ZNF600: variants seen among roughly 807,000 people sequenced by gnomAD.
ZNF600 encodes zinc finger protein KR-ZNF1.
A neutral mutation model predicts 7.3 loss-of-function variants in ZNF600; 4 were observed. That is an observed-to-expected ratio of 0.55 (90% CI 0.27 to 1.25). The LOEUF is 1.25. Ranked by LOEUF, ZNF600 falls within the 50% of genes most tolerant of loss-of-function variation. ZNF600 has a pLI of 0.12. For missense variants in ZNF600, 911 were observed against 922.1 expected (o/e 0.99, Z 0.16); for synonymous variants, 290 against 308.9 (o/e 0.94, Z 0.64).
At chr19:52,792,268 G>A in the ZNF600 span, among the ~76,000 whole-genome samples, 77 of 152,306 alleles carry the variant, frequency 5.1e-4, no homozygotes, top group African/African-American at 1.8e-3. Context: ...GTTGGGCTGT[G>A]TGAAAGGAAA....
the ZNF600 span, among the ~76,000 whole-genome samples, chr19:52,818,885 GAAAAAAA>G: frequency 6.1e-5 from 7 of 114,324 alleles, no homozygotes; most frequent in Admixed American, 9.5e-5. Flanking sequence ...GTCTGTTTGG[GAAAAAAA>G]AAAAAAAAAA....
the ZNF600 span, among the ~76,000 whole-genome samples, chr19:52,810,894 TCCCC>T: frequency 7.7e-4 from 3 of 3,888 alleles, no homozygotes; most frequent in Admixed American, 2.5e-3. Flanking sequence ...CCCCTCCCCC[TCCCC>T]CTCCCTCTCC....
At chr19:52,831,434 C>T in the ZNF600 span, among the ~76,000 whole-genome samples, 8 of 152,004 alleles carry the variant, frequency 5.3e-5, no homozygotes, top group Middle Eastern at 3.2e-3. Flanking sequence ...CTCAGCCTCC[C>T]GAGTAGCTGG....
chr19:52,789,591 A>C (rs10404881), upstream of ZNF600, among the ~76,000 whole-genome samples: 68,395 of 151,970 alleles, frequency 0.45, 16,758 homozygotes, highest in Non-Finnish European at 0.57. Context: ...CTATCACAAA[A>C]AAGTACAGAG....
chr19:52,813,733 G>C, the ZNF600 span, among the ~76,000 whole-genome samples: 2 of 145,626 alleles, frequency 1.4e-5, no homozygotes, highest in Non-Finnish European at 3.0e-5. Context: ...TCTGCAGCCA[G>C]AAGATCTCCG....
At chr19:52,827,994 A>C in the ZNF600 span, among the ~76,000 whole-genome samples, 92 of 152,264 alleles carry the variant, frequency 6.0e-4, no homozygotes, top group African/African-American at 2.2e-3. Flanking sequence ...AGGATAATCC[A>C]CAAGGAATAT....
the ZNF600 span, chr19:52,810,022 C>A: frequency 1.3e-6 from 1 of 749,408 alleles, no homozygotes; most frequent in African/African-American, 1.7e-5. Flanking sequence ...GAGCCGGAGC[C>A]CGAAGAGGAG....
At chr19:52,790,065 G>A (rs1036452472), upstream of ZNF600, among the ~76,000 whole-genome samples, 6 of 152,106 alleles carry the variant, frequency 3.9e-5, no homozygotes, top group African/African-American at 9.7e-5. Context: ...GGCAAGGACC[G>A]GCCATTTACA....
At chr19:52,806,098 A>G in the ZNF600 span, 1 of 152,346 alleles carries the variant, frequency 6.6e-6, no homozygotes, top group Admixed American at 6.5e-5. Flanking sequence ...CACTGTACAT[A>G]TATGTTAACA....
chr19:52,830,293 A>T, the ZNF600 span, among the ~76,000 whole-genome samples: 6 of 152,118 alleles, frequency 3.9e-5, no homozygotes, highest in Non-Finnish European at 7.3e-5. Context: ...CAAACAAAAA[A>T]TCTGGAGAAA....
At chr19:52,793,781 C>T in the ZNF600 span, among the ~76,000 whole-genome samples, 1,050 of 72,428 alleles carry the variant, frequency 0.014, 4 homozygotes, top group Non-Finnish European at 0.022. Context: ...CACACACACA[C>T]ACACACACAC....
the ZNF600 span, among the ~76,000 whole-genome samples, chr19:52,825,576 G>A: frequency 6.6e-6 from 1 of 152,046 alleles, no homozygotes; most frequent in Non-Finnish European, 1.5e-5. Flanking sequence ...AGTTGGCTGA[G>A]GCTAGAGAAT....
chr19:52,784,267 T>C (rs1454696658), intron 1 of ZNF600, among the ~76,000 whole-genome samples: 1 of 152,062 alleles, frequency 6.6e-6, no homozygotes, highest in South Asian at 2.1e-4. Flanking sequence ...CTAGCTGGGC[T>C]TGGTGTCTCA....
the ZNF600 span, among the ~76,000 whole-genome samples, chr19:52,793,682 G>A: frequency 6.7e-6 from 1 of 148,784 alleles, no homozygotes; most frequent in East Asian, 2.0e-4. Flanking sequence ...TAGGAGCATC[G>A]CTTGAACCCG....
chr19:52,827,904 G>A, the ZNF600 span, among the ~76,000 whole-genome samples: 307 of 152,160 alleles, frequency 2.0e-3, 3 homozygotes, highest in African/African-American at 7.0e-3. Context: ...GTGAGTGCGA[G>A]CAAACGTGTC....
intron 1 of ZNF600, among the ~76,000 whole-genome samples, chr19:52,785,041 T>C (rs1785928422): frequency 6.6e-6 from 1 of 152,082 alleles, no homozygotes; most frequent in Admixed American, 6.6e-5. Context: ...CCAGCCCCTC[T>C]TTCTTCATTA....
At chr19:52,825,479 G>A in the ZNF600 span, among the ~76,000 whole-genome samples, 2 of 151,610 alleles carry the variant, frequency 1.3e-5, no homozygotes, top group African/African-American at 4.9e-5. Context: ...TCTAAGACCA[G>A]CCTGGCCAAT....
At chr19:52,816,073 G>A in the ZNF600 span, among the ~76,000 whole-genome samples, 1 of 147,592 alleles carries the variant, frequency 6.8e-6, no homozygotes, top group Non-Finnish European at 1.5e-5. Flanking sequence ...ACTGACAATA[G>A]TGGCTCGCCA....
chr19:52,765,860 A>T (rs1384437092), exon 4 of ZNF600: 1 of 1,614,030 alleles, frequency 6.2e-7, no homozygotes, highest in East Asian at 2.2e-5. Flanking sequence ...TCTCCCCAGC[A>T]TGAATTCTAT....
Sources: allele counts gnomAD v4.1 joint callset (sites outside exome capture counted in the v4.1 genomes callset), GRCh38; gene constraint gnomAD v4.1.1; transcripts MANE v1.5; gene names NCBI Gene and HGNC (gene_info 2026-07-23, HGNC 2026-07-21).